The following NINJ2 variants were observed in gnomAD, a reference collection of about 807,000 sequenced individuals.
NINJ2 encodes the protein ninjurin 2.
In NINJ2, 12 loss-of-function variants were observed where a neutral mutation model predicts 11.7. The observed-to-expected ratio is 1.02, with a 90% CI of 0.66 to 1.66. The LOEUF (loss-of-function observed/expected upper bound fraction) is 1.66, where lower values mean the gene tolerates loss of function less well. Ranked by LOEUF, NINJ2 falls within the 40% of genes most tolerant of loss-of-function variation. NINJ2 has a pLI of 0.00. For synonymous variants in NINJ2, 93 were observed against 76.8 expected (o/e 1.21, Z -1.10); for missense variants, 187 against 181.8 (o/e 1.03, Z -0.16).
chr12:629,613 C>A (rs1479197678), intron 1 of NINJ2, among the ~76,000 whole-genome samples: 1 of 151,918 alleles, frequency 6.6e-6, no homozygotes, highest in Non-Finnish European at 1.5e-5. Context: ...CTTGGTTGGG[C>A]ATGGTGGCTC....
intron 1 of NINJ2, among the ~76,000 whole-genome samples, chr12:626,813 C>T (rs1202871952): frequency 2.0e-5 from 3 of 152,102 alleles, no homozygotes; most frequent in African/African-American, 7.2e-5. Context: ...TAGCTTGGTG[C>T]TGTAGCTTGC....
At chr12:620,840 G>T (rs572408594) in intron 1 of NINJ2, among the ~76,000 whole-genome samples, 48 of 152,274 alleles carry the variant, frequency 3.2e-4, no homozygotes, top group African/African-American at 1.1e-3. Flanking sequence ...ATGTTGGCCA[G>T]GCTGGTCTTA....
Position 601,510 on chromosome 12 carries a change from T to C in NINJ2, c.34-35332A>G, listed in dbSNP as rs113182576. Among the ~76,000 whole-genome samples, 551 of 144,632 alleles carry C rather than the reference T, an allele frequency of 3.8e-3. 4 individuals carry two copies. The highest frequency in any genetic ancestry group is 0.013 in the African/African-American group (521 of 38,974). The allele number at this position is 144,632 out of a possible 152,430, so 94.9% of individuals were successfully genotyped here. A position where few individuals can be genotyped will look rare whatever the true frequency, so the allele number is the denominator to read the frequency against. On this transcript the variant is annotated intron_variant, in intron 1 of 3. Coordinates refer to ENST00000305108, the MANE Select transcript of NINJ2 (RefSeq NM_016533.6). ...TTACAGTGAGCCAAGATCAGGCCAC[T>C]GCACTCCAGCCTGGGCCACAGAAGC...
chr12:643,392 G>A, intron 1 of NINJ2: 1 of 953,602 alleles, frequency 1.0e-6, no homozygotes, highest in Non-Finnish European at 1.3e-6. Flanking sequence ...GGTCGCAGCT[G>A]CAGTCGCGCC....
chr12:574,862 C>T (rs1445198147), intron 1 of NINJ2, among the ~76,000 whole-genome samples: 2 of 152,238 alleles, frequency 1.3e-5, no homozygotes, highest in African/African-American at 4.8e-5. Context: ...TGGTCCTCCT[C>T]TGAAGTGGGA....
chr12:588,149 C>G (rs61919375), intron 1 of NINJ2, among the ~76,000 whole-genome samples: 1 of 146,866 alleles, frequency 6.8e-6, no homozygotes, highest in Admixed American at 6.7e-5. Context: ...AGCAAAATGG[C>G]GGAAGGAAGG....
At chr12:629,788 G>A (rs1043515148) in intron 1 of NINJ2, among the ~76,000 whole-genome samples, 2 of 149,500 alleles carry the variant, frequency 1.3e-5, no homozygotes, top group Non-Finnish European at 3.0e-5. Context: ...TCAGGAGACT[G>A]AGGCAGGAGA....
At chr12:569,563 C>G (rs1403682825) in intron 1 of NINJ2, among the ~76,000 whole-genome samples, 2 of 152,332 alleles carry the variant, frequency 1.3e-5, no homozygotes, top group Non-Finnish European at 2.9e-5. Flanking sequence ...CCCCTTCCCC[C>G]CAAATGTATC....
intron 1 of NINJ2, among the ~76,000 whole-genome samples, chr12:593,103 G>T (rs190553379): frequency 7.2e-4 from 109 of 152,212 alleles, no homozygotes; most frequent in South Asian, 3.3e-3. Flanking sequence ...TAGGAAAGAA[G>T]ATTTTTTAAT....
chr12:621,642 C>T (rs981949611), intron 1 of NINJ2, among the ~76,000 whole-genome samples: 1 of 149,280 alleles, frequency 6.7e-6, no homozygotes. Flanking sequence ...CATGGTGAAA[C>T]CCCATCTCTA....
intron 1 of NINJ2, among the ~76,000 whole-genome samples, chr12:656,641 C>T (rs533029777): frequency 2.7e-5 from 4 of 149,512 alleles, no homozygotes; most frequent in Non-Finnish European, 5.9e-5. Context: ...CCCAGCTACT[C>T]GGGAGGCTGA....
intron 1 of NINJ2, among the ~76,000 whole-genome samples, chr12:577,099 G>A (rs1373073837): frequency 6.6e-6 from 1 of 152,242 alleles, no homozygotes; most frequent in East Asian, 1.9e-4. Flanking sequence ...CCCAGCTTTC[G>A]CACCATCGTA....
intron 1 of NINJ2, among the ~76,000 whole-genome samples, chr12:572,036 G>A (rs747829321): frequency 1.3e-5 from 2 of 152,236 alleles, no homozygotes; most frequent in Non-Finnish European, 1.5e-5. Flanking sequence ...AAGGCACCTT[G>A]ACCACATTCC....
chr12:617,173 C>T (rs1032126396), intron 1 of NINJ2, among the ~76,000 whole-genome samples: 12 of 152,184 alleles, frequency 7.9e-5, no homozygotes, highest in African/African-American at 2.7e-4. Flanking sequence ...CATTGCACTC[C>T]AGCCTGGGCG....
intron 1 of NINJ2, among the ~76,000 whole-genome samples, chr12:590,261 G>A (rs145241017): frequency 3.3e-5 from 5 of 152,278 alleles, no homozygotes; most frequent in Admixed American, 6.5e-5. Context: ...GGATGGGCTG[G>A]AGCGGAGAGC....
In NINJ2 at chr12:576,904, C is replaced by T. The variant is rs190625960; in HGVS notation, c.34-10726G>A. On this transcript the variant is annotated intron_variant, in intron 1 of 3. Coordinates refer to ENST00000305108, the MANE Select transcript of NINJ2 (RefSeq NM_016533.6). ...TGGCCTTTTGCTCTTTGCTCTATGC[C>T]CACTTGAGCTGTGAGGTTCTCAGAG... is the stretch of plus-strand genomic sequence containing the variant. 1.1e-4 allele frequency among the ~76,000 whole-genome samples: 16 copies of T among 152,290 alleles called. No individual in the cohort carries two copies. The East Asian group carries it at 2.7e-3, about 26-fold the overall frequency.
intron 1 of NINJ2, chr12:643,612 G>A: frequency 6.1e-6 from 6 of 988,040 alleles, no homozygotes; most frequent in Non-Finnish European, 6.0e-6. Flanking sequence ...AGCGTTGTAC[G>A]GCCACCGAGC....
chr12:646,062 A>G (rs1937674622), intron 1 of NINJ2, among the ~76,000 whole-genome samples: 1 of 152,108 alleles, frequency 6.6e-6, no homozygotes, highest in South Asian at 2.1e-4. Flanking sequence ...CTCTCACACA[A>G]TCTCACAGGG....
rs1947719869 is a variant in NINJ2 at position 591,821 on chromosome 12, G to C, written c.34-25643C>G. Among the ~76,000 whole-genome samples, 1 of 152,182 alleles carries C rather than the reference G, an allele frequency of 6.6e-6. No individual in the cohort carries two copies. The highest frequency in any genetic ancestry group is 6.5e-5 in the Admixed American group (1 of 15,280). On this transcript the variant is annotated intron_variant, in intron 1 of 3. Transcript: ENST00000305108. This position sits in a 1 kb window ranked among gnomAD's most constrained non-coding sequence, Gnocchi z 5.0. The stretch of plus-strand genomic sequence containing the variant: ...TTTAGAGATATTTCTCAGGTTCTGG[G>C]CCTCATTAGAACAGGAAAGCCTTCT...
Sources: gnomAD v4.1 joint callset for allele counts (sites outside exome capture counted in the v4.1 genomes callset) on GRCh38, gnomAD v4.1.1 for gene constraint, Gnocchi (gnomAD v3.1) non-coding constraint, MANE v1.5 for transcripts, NCBI Gene and HGNC (gene_info 2026-07-23, HGNC 2026-07-21) for gene names.